The following ZNF333 variants were observed in gnomAD, a reference collection of about 807,000 sequenced individuals.
The protein encoded by ZNF333 is zinc finger protein 333.
Under a neutral mutation model 76.1 loss-of-function variants are expected in ZNF333, and 61 were observed. The observed-to-expected ratio is 0.80, with a 90% CI of 0.65 to 0.99. The LOEUF (loss-of-function observed/expected upper bound fraction) is 0.99. ZNF333 is among the 50% of genes least tolerant of loss of function. The pLI is 0.00. For synonymous variants in ZNF333, 284 were observed against 305.0 expected, an observed-to-expected ratio of 0.93 and a Z score of 0.72; for missense variants, 717 against 822.4, an observed-to-expected ratio of 0.87 and a Z score of 1.57.
intron 7 of ZNF333, among the ~76,000 whole-genome samples, chr19:14,714,525 C>G (rs897507872): frequency 6.6e-6 from 1 of 152,138 alleles, no homozygotes; most frequent in African/African-American, 2.4e-5. Flanking sequence ...TTGGACTCCT[C>G]GTCTCTAAAA....
Position 14,699,104 on chromosome 19 carries a change from G to T in ZNF333, c.224-95G>T, listed in dbSNP as rs1181779963. The stretch of plus-strand genomic sequence containing the variant: ...GAAAAAGCCTATGTGTGTATAGTGT[G>T]TATATATATTCACATATATATGTGA... On this transcript the variant is annotated intron_variant, in intron 4 of 11. Coordinates refer to ENST00000292530, the MANE Select transcript of ZNF333 (RefSeq NM_032433.4). 6.5e-6 allele frequency: 6 copies of T among 929,888 alleles called. 1 individual carries two copies. The highest frequency in any genetic ancestry group is 2.7e-5 in the South Asian group (2 of 74,698). 57.6% of individuals were successfully genotyped at this position (929,888 alleles called of 1,614,324 possible).
chr19:14,715,132 T>A, intron 7 of ZNF333: 1 of 449,872 alleles, frequency 2.2e-6, no homozygotes. Flanking sequence ...GCATGTGGTA[T>A]GTAACTGTGT....
chr19:14,691,957 G>A (rs1482280483), intron 1 of ZNF333, among the ~76,000 whole-genome samples: 8 of 152,104 alleles, frequency 5.3e-5, no homozygotes, highest in Admixed American at 5.2e-4. Flanking sequence ...GATTATAGGC[G>A]TGAGCAACCA....
intron 4 of ZNF333, among the ~76,000 whole-genome samples, chr19:14,698,917 T>TAG (rs1973456586): frequency 1.7e-5 from 2 of 120,378 alleles, no homozygotes; most frequent in South Asian, 2.3e-4. Context: ...TATATATATA[T>TAG]ATATATATAT....
intron 5 of ZNF333, among the ~76,000 whole-genome samples, chr19:14,704,080 T>C (rs955423636): frequency 3.3e-5 from 5 of 152,314 alleles, no homozygotes; most frequent in African/African-American, 1.2e-4. Context: ...GCCACCCTCC[T>C]GCTGCCTCTT....
chr19:14,706,885 G>T, intron 7 of ZNF333, 112 bp downstream of exon 7: 1 of 874,372 alleles, frequency 1.1e-6, no homozygotes, highest in Non-Finnish European at 1.8e-6. Context: ...AGGCACTGCC[G>T]TGGCACCATA....
chr19:14,703,684 A>C (rs1160159520), intron 5 of ZNF333, among the ~76,000 whole-genome samples: 3 of 152,230 alleles, frequency 2.0e-5, no homozygotes, highest in Admixed American at 6.5e-5. Context: ...TGGAGTTTCC[A>C]CAGGGTAAAC....
At chr19:14,692,850 T>G (rs1167103639) in intron 1 of ZNF333, among the ~76,000 whole-genome samples, 3 of 146,456 alleles carry the variant, frequency 2.0e-5, no homozygotes, top group African/African-American at 7.6e-5. Flanking sequence ...TGACATGGAG[T>G]CTTAGTCTGT....
chr19:14,722,732 G>C (rs771181921), downstream of ZNF333, among the ~76,000 whole-genome samples: 4 of 152,110 alleles, frequency 2.6e-5, no homozygotes, highest in Non-Finnish European at 5.9e-5. Context: ...TATTGTTTCA[G>C]CTCTTGCATT....
chr19:14,694,158 A>C (rs1039564757), intron 2 of ZNF333, among the ~76,000 whole-genome samples: 19 of 152,140 alleles, frequency 1.2e-4, no homozygotes, highest in Admixed American at 1.2e-3. Flanking sequence ...CACTGCTCTG[A>C]AGAATTCTGC....
intron 7 of ZNF333, among the ~76,000 whole-genome samples, chr19:14,712,861 A>G (rs1254562416): frequency 6.6e-6 from 1 of 152,176 alleles, no homozygotes; most frequent in Admixed American, 6.5e-5. Context: ...CACATTTTGA[A>G]GTACTGGGGG....
At chr19:14,695,902 G>A (rs554743323) in intron 4 of ZNF333, among the ~76,000 whole-genome samples, 1 of 152,330 alleles carries the variant, frequency 6.6e-6, no homozygotes, top group Admixed American at 6.5e-5. Context: ...TAGAGGGCCA[G>A]GTGTGGTGGC....
In ZNF333 at chr19:14,715,450, C is replaced by G. The variant is rs866787364; in HGVS notation, c.580C>G (p.Leu194Val). The change falls in exon 8 of 12, where the codon CTG (leucine) becomes GTG (valine). Residue 194 changes from leucine to valine, a missense_variant. Physicochemically the swap from Leu to Val is conservative, Grantham distance 32. Coordinates refer to ENST00000292530, the MANE Select transcript of ZNF333 (RefSeq NM_032433.4). The stretch of plus-strand genomic sequence containing the variant: ...GGAGGAAGAAGCTATGGCTCCTGGG[C>G]TGCCAACCGCCTGTTCACAGGTAGG... ...KVEEEAMAPG[L>V]PTACSQEPVT... 2 of 1,613,986 alleles carry G rather than the reference C, an allele frequency of 1.2e-6. No individual in the cohort carries two copies. The highest frequency in any genetic ancestry group is 3.3e-4 in the Middle Eastern group (2 of 6,056).
At chr19:14,716,940 G>A (rs533510310) in intron 9 of ZNF333, 54 bp from the exon 10 acceptor site, 8 of 1,493,542 alleles carry the variant, frequency 5.4e-6, no homozygotes, top group Non-Finnish European at 5.5e-6. Context: ...ATCGGCCCTG[G>A]TGTCAGGGCA....
intron 6 of ZNF333, 121 bp downstream of exon 6, chr19:14,705,291 C>T: frequency 1.2e-6 from 1 of 820,118 alleles, no homozygotes. Flanking sequence ...TGTAGGAGGC[C>T]CAGGCTGTGG....
At chr19:14,693,884 G>A (rs934781123) in intron 2 of ZNF333, among the ~76,000 whole-genome samples, 3 of 151,444 alleles carry the variant, frequency 2.0e-5, no homozygotes, top group Non-Finnish European at 4.4e-5. Context: ...GGAGGTTGAG[G>A]TGGGAGGATA....
Position 14,690,106 on chromosome 19 carries a change from G to GCGGCGCGGCGCGGCGCGGCGCGGCA in ZNF333, c.-83_-82insCGCGGCGCGGCGCGGCGCGGCACGG, listed in dbSNP as rs1427558329. On this transcript the variant is annotated 5_prime_UTR_variant, in exon 1 of 12. Transcript: ENST00000292530. ...GCTGAGCTGTGCTGCGCGGCGCGGCGCGGTGCGGCACGGCACGGTGGGAGT... is the reference window on the plus strand; with the variant it reads ...GCTGAGCTGTGCTGCGCGGCGCGGCGCGGCGCGGCGCGGCGCGGCGCGGCACGGTGCGGCACGGCACGGTGGGAGT... 1 of 148,768 alleles carries GCGGCGCGGCGCGGCGCGGCGCGGCA rather than the reference G, an allele frequency of 6.7e-6. No individual in the cohort carries two copies. The highest frequency in any genetic ancestry group is 2.5e-5 in the African/African-American group (1 of 40,208). 9.2% of individuals were successfully genotyped at this position (148,768 alleles called of 1,614,324 possible). A position where few individuals can be genotyped will look rare whatever the true frequency, so the allele number is the denominator to read the frequency against.
chr19:14,695,446 C>A, intron 3 of ZNF333, 120 bp from the exon 4 acceptor site: 2 of 1,005,668 alleles, frequency 2.0e-6, no homozygotes, highest in Non-Finnish European at 3.1e-6. Context: ...CACACTTGCT[C>A]AGCCCAGAGA....
At chr19:14,697,147 A>G in intron 4 of ZNF333, among the ~76,000 whole-genome samples, 1 of 152,150 alleles carries the variant, frequency 6.6e-6, no homozygotes, top group East Asian at 1.9e-4. Context: ...GTCTTCTTTC[A>G]CTTAGCTTTA....
Sources: gnomAD v4.1 joint callset for allele counts (sites outside exome capture counted in the v4.1 genomes callset) on GRCh38, gnomAD v4.1.1 for gene constraint, MANE v1.5 for transcripts, NCBI Gene and HGNC (gene_info 2026-07-23, HGNC 2026-07-21) for gene names.